Variants in OSBPL10 observed in about 807,000 individuals in gnomAD.
The protein encoded by OSBPL10 is oxysterol binding protein like 10.
OSBPL10 carries 49 observed loss-of-function variants against 81.7 expected under a neutral mutation model. The ratio of observed to expected loss-of-function variants is 0.60; its 90% confidence interval spans 0.48 to 0.76. The LOEUF is 0.76. OSBPL10 is among the 30% of genes least tolerant of loss of function. The pLI is 0.00. For missense variants in OSBPL10, 923 were observed against 987.8 expected, an observed-to-expected ratio of 0.93 and a Z score of 0.88; for synonymous variants, 419 against 383.6, an observed-to-expected ratio of 1.09 and a Z score of -1.08.
chr3:31,745,844 C>T lies in OSBPL10; in HGVS notation c.940+2066G>A, dbSNP rs561748054. Among the ~76,000 whole-genome samples the T allele has an allele frequency of 2.0e-5, 3 of 152,338 alleles. No individual in the cohort carries two copies. The South Asian group carries it at 6.2e-4, about 32-fold the overall frequency. On this transcript the variant is annotated intron_variant, in intron 5 of 11. Coordinates refer to ENST00000396556, the MANE Select transcript of OSBPL10 (RefSeq NM_017784.5). ...GAAAACCAAATTACCCACACACAAT[C>T]TACTCTGAAAAACCAACAGTCCCTT...
chr3:31,962,662 T>TGAA (rs1698202589), intron 1 of OSBPL10, among the ~76,000 whole-genome samples: 2 of 152,212 alleles, frequency 1.3e-5, no homozygotes. Flanking sequence ...TCGCTCCCAT[T>TGAA]ACACTAAGTT....
intron 4 of OSBPL10, among the ~76,000 whole-genome samples, chr3:31,766,259 T>A (rs913920291): frequency 6.6e-6 from 1 of 151,178 alleles, no homozygotes; most frequent in Non-Finnish European, 1.5e-5. Flanking sequence ...TGGACACAGA[T>A]CCCCCACTTC....
At chr3:32,001,538 G>A (rs190290738) in intron 2 of OSBPL10, among the ~76,000 whole-genome samples, 1 of 152,210 alleles carries the variant, frequency 6.6e-6, no homozygotes, top group East Asian at 1.9e-4. Flanking sequence ...TTAATTAATA[G>A]GGAAACCAGT....
rs548462361 is a variant in OSBPL10 at position 31,952,714 on chromosome 3, C to T, written c.281+28185G>A. On this transcript the variant is annotated intron_variant, in intron 1 of 11. Transcript: ENST00000396556. ...GACCTGTGTTAGAATGTCCCCCCAA[C>T]ATCAGTTGGCTCTGATATTACTAAA... Among the ~76,000 whole-genome samples, 7 of 152,330 alleles carry T rather than the reference C, an allele frequency of 4.6e-5. No homozygotes were observed. In the East Asian group the frequency reaches 1.2e-3, roughly 25 times the overall value.
At chr3:31,855,343 AT>A (rs1316002232) in intron 3 of OSBPL10, among the ~76,000 whole-genome samples, 1 of 152,176 alleles carries the variant, frequency 6.6e-6, no homozygotes, top group Non-Finnish European at 1.5e-5. Context: ...CTTTAGCCTC[AT>A]TTAATCTGGA....
chr3:31,745,124 T>C (rs1697481386), intron 5 of OSBPL10, among the ~76,000 whole-genome samples: 1 of 152,172 alleles, frequency 6.6e-6, no homozygotes, highest in African/African-American at 2.4e-5. Context: ...GAAAAGCAGG[T>C]TTGGGCGCCC....
chr3:31,823,058 G>A (rs905760384), intron 4 of OSBPL10, among the ~76,000 whole-genome samples: 1 of 151,436 alleles, frequency 6.6e-6, no homozygotes, highest in East Asian at 1.9e-4. Context: ...AATTCAAGTG[G>A]CACATTAATA....
chr3:31,988,997 C>CG, intron 2 of OSBPL10: 1 of 1,540,776 alleles, frequency 6.5e-7, no homozygotes, highest in Non-Finnish European at 8.8e-7. Context: ...ATTTGTTTCT[C>CG]GGAAACAGAT....
At chr3:32,002,996 ACTGT>A (rs568199846) in intron 2 of OSBPL10, among the ~76,000 whole-genome samples, 129 of 152,334 alleles carry the variant, frequency 8.5e-4, no homozygotes, top group African/African-American at 3.0e-3. Flanking sequence ...GTCAGGGAAG[ACTGT>A]CTGCAGGAGG....
intron 6 of OSBPL10, chr3:31,715,051 C>T (rs1412793817): frequency 2.0e-5 from 3 of 151,298 alleles, no homozygotes; most frequent in East Asian, 3.9e-4. Context: ...GTCAGTACTT[C>T]GGTTTTCCTC....
chr3:31,906,048 G>A (rs775101598), intron 1 of OSBPL10, among the ~76,000 whole-genome samples: 3 of 152,128 alleles, frequency 2.0e-5, no homozygotes, highest in East Asian at 3.9e-4. Context: ...AAGTTTCTTC[G>A]ATTCCACAAA....
chr3:31,892,392 T>C (rs1695918261), intron 1 of OSBPL10, among the ~76,000 whole-genome samples: 1 of 152,076 alleles, frequency 6.6e-6, no homozygotes, highest in Non-Finnish European at 1.5e-5. Context: ...AACTACTTTG[T>C]AGAAAGAGAA....
At chr3:31,796,277 G>A in intron 4 of OSBPL10, 1 of 172,204 alleles carries the variant, frequency 5.8e-6, no homozygotes, top group Non-Finnish European at 1.3e-5. Flanking sequence ...AATGTGGAAA[G>A]ATATTTACCT....
chr3:31,758,541 C>T (rs1004973554), intron 4 of OSBPL10, among the ~76,000 whole-genome samples: 1 of 152,174 alleles, frequency 6.6e-6, no homozygotes, highest in African/African-American at 2.4e-5. Context: ...TGACACTCCC[C>T]CATCCTTTTG....
At chr3:31,705,407 G>T (rs1365675597) in intron 6 of OSBPL10, among the ~76,000 whole-genome samples, 1 of 146,670 alleles carries the variant, frequency 6.8e-6, no homozygotes, top group Non-Finnish European at 1.5e-5. Flanking sequence ...TCCAACTTGG[G>T]GGTACATAGA....
intron 3 of OSBPL10, among the ~76,000 whole-genome samples, chr3:31,837,572 C>G (rs1048867202): frequency 2.7e-5 from 4 of 150,606 alleles, no homozygotes; most frequent in Admixed American, 2.6e-4. Flanking sequence ...AAGAATTCCA[C>G]TACCACTGTT....
chr3:31,855,511 G>A (rs1700886452), intron 3 of OSBPL10, among the ~76,000 whole-genome samples: 1 of 152,118 alleles, frequency 6.6e-6, no homozygotes, highest in Non-Finnish European at 1.5e-5. Flanking sequence ...GTCACCACCT[G>A]GCACAGTACA....
At chr3:31,828,839 T>C (rs1700161914) in intron 4 of OSBPL10, among the ~76,000 whole-genome samples, 1 of 152,200 alleles carries the variant, frequency 6.6e-6, no homozygotes, top group African/African-American at 2.4e-5. Flanking sequence ...GGCCCAGTTT[T>C]TCCTTTTTAA....
Position 31,995,803 on chromosome 3 carries a change from G to A in OSBPL10, n.298+50688C>T, listed in dbSNP as rs57177043. On this transcript the variant is annotated intron_variant and non_coding_transcript_variant, in intron 2 of 3. Coordinates refer to the OSBPL10 transcript ENST00000479173. ...CCATTCAGGGTCCCTGACTTCCCGTGACACCCCAGGTTTTTAAAGAGCCAC... is the reference window on the plus strand; with the variant it reads ...CCATTCAGGGTCCCTGACTTCCCGTAACACCCCAGGTTTTTAAAGAGCCAC... Among the ~76,000 whole-genome samples, 1,412 of 152,272 alleles carry A rather than the reference G, an allele frequency of 9.3e-3. 25 individuals are homozygous for A. The highest frequency in any genetic ancestry group is 0.032 in the African/African-American group (1,327 of 41,546).
Sources: gnomAD v4.1 joint callset for allele counts (sites outside exome capture counted in the v4.1 genomes callset) on GRCh38, gnomAD v4.1.1 for gene constraint, MANE v1.5 for transcripts, NCBI Gene and HGNC (gene_info 2026-07-23, HGNC 2026-07-21) for gene names.